The following AMZ2 variants were observed in gnomAD, a reference collection of about 807,000 sequenced individuals.
AMZ2 encodes archaelysin family metallopeptidase 2, also known as archaemetzincin-2.
A neutral mutation model predicts 36.7 loss-of-function variants in AMZ2; 26 were observed. The observed-to-expected ratio is 0.71, with a 90% CI of 0.52 to 0.98. The LOEUF (loss-of-function observed/expected upper bound fraction) is 0.98, where lower values mean the gene tolerates loss of function less well. Ranked by LOEUF, AMZ2 falls within the 50% of genes least tolerant of loss-of-function variation. AMZ2 has a pLI of 0.00. For synonymous variants in AMZ2, 144 were observed against 149.1 expected, an observed-to-expected ratio of 0.97 and a Z score of 0.25; for missense variants, 394 against 430.5, an observed-to-expected ratio of 0.92 and a Z score of 0.75.
intron 1 of AMZ2, among the ~76,000 whole-genome samples, chr17:68,228,816 T>C (rs34312280): frequency 0.14 from 21,911 of 152,284 alleles, 1,746 homozygotes; most frequent in East Asian, 0.29. Flanking sequence ...TCCTCCTGCC[T>C]GCTACACCGA....
intron 1 of AMZ2, among the ~76,000 whole-genome samples, chr17:68,218,803 C>T (rs1481216265): frequency 1.3e-5 from 2 of 152,212 alleles, no homozygotes; most frequent in Non-Finnish European, 2.9e-5. Flanking sequence ...GTCCCACCAG[C>T]TGCTCAAGCT....
At chr17:68,212,243 G>A (rs1421319367) in intron 1 of AMZ2, among the ~76,000 whole-genome samples, 2 of 152,144 alleles carry the variant, frequency 1.3e-5, no homozygotes, top group African/African-American at 4.8e-5. Context: ...ATGGTGGCAC[G>A]TGCCTGTAGT....
intron 1 of AMZ2, among the ~76,000 whole-genome samples, chr17:68,233,441 G>A (rs1464478421): frequency 4.6e-5 from 7 of 151,494 alleles, no homozygotes; most frequent in African/African-American, 1.7e-4. Context: ...CCTGGGAGGC[G>A]GAGGTTGCAG....
chr17:68,248,812 G>T (rs1555737389), intron 1 of AMZ2, 107 bp downstream of exon 1: 2 of 966,298 alleles, frequency 2.1e-6, no homozygotes, highest in African/African-American at 1.7e-5. Flanking sequence ...TTATATCAGA[G>T]CTTTGAGTAC....
chr17:68,210,087 A>C (rs4968836), intron 1 of AMZ2, among the ~76,000 whole-genome samples: 64,506 of 151,992 alleles, frequency 0.42, 15,124 homozygotes, highest in African/African-American at 0.64. Context: ...GTATTGTTAG[A>C]GAGAATGTAA....
chr17:68,224,056 AT>A (rs34644968), intron 1 of AMZ2, among the ~76,000 whole-genome samples: 49,363 of 151,198 alleles, frequency 0.33, 8,556 homozygotes, highest in African/African-American at 0.45. Flanking sequence ...CACCCGGCTA[AT>A]TTTTTGTATT....
At chr17:68,218,108 G>A in intron 1 of AMZ2, among the ~76,000 whole-genome samples, 1 of 135,338 alleles carries the variant, frequency 7.4e-6, no homozygotes, top group Non-Finnish European at 1.6e-5. Context: ...CACCGTGTCC[G>A]GCCAAAAAAA....
At chr17:68,242,934 C>T (rs778053810), upstream of AMZ2, among the ~76,000 whole-genome samples, 15 of 151,522 alleles carry the variant, frequency 9.9e-5, no homozygotes, top group Non-Finnish European at 1.9e-4. Flanking sequence ...ATCCAAGCTA[C>T]CTGGGAGACT....
intron 1 of AMZ2, among the ~76,000 whole-genome samples, chr17:68,234,796 A>T (rs1467179030): frequency 6.6e-6 from 1 of 151,954 alleles, no homozygotes; most frequent in Non-Finnish European, 1.5e-5. Flanking sequence ...AGAAAAAAAA[A>T]AAAAAGATAG....
At chr17:68,226,269 T>C (rs1214687801) in intron 1 of AMZ2, among the ~76,000 whole-genome samples, 3 of 152,166 alleles carry the variant, frequency 2.0e-5, no homozygotes, top group Non-Finnish European at 2.9e-5. Flanking sequence ...CTGCCTACTA[T>C]GTACATTTGA....
rs144520929 is a variant in AMZ2 at position 68,210,168 on chromosome 17, G to C, written c.-67+3930G>C. Among the ~76,000 whole-genome samples the C allele has an allele frequency of 7.9e-3, 1,201 of 152,224 alleles. 13 individuals are homozygous for C. The highest frequency in any genetic ancestry group is 0.011 in the Non-Finnish European group (722 of 68,006). Reference sequence around the variant, plus strand: ...AAACTTAGAGCTACTATATGACCCGGTAATTCTATTCATACATATATAGTC... The same window carrying C: ...AAACTTAGAGCTACTATATGACCCGCTAATTCTATTCATACATATATAGTC... On this transcript the variant is annotated intron_variant, in intron 1 of 7. Transcript: ENST00000674770.
At chr17:68,206,154 C>G (rs2072822618) in exon 1 of AMZ2, 2 of 1,306,316 alleles carry the variant, frequency 1.5e-6, no homozygotes, top group South Asian at 6.3e-5. Flanking sequence ...TTCCGATTAT[C>G]TGGAGGAGCT....
In AMZ2 at chr17:68,218,576, C is replaced by T. The variant is rs1421383042; in HGVS notation, c.-67+12338C>T. On this transcript the variant is annotated intron_variant, in intron 1 of 7. Coordinates refer to the AMZ2 transcript ENST00000674770. ...TTTAAATCTATACAGCTTTCTACTC[C>T]CCTTTCTAGCTACAAGCCACATGTG... Among the ~76,000 whole-genome samples, 6 of 152,258 alleles carry T rather than the reference C, an allele frequency of 3.9e-5. No homozygotes were observed. In the South Asian group the frequency reaches 6.2e-4, roughly 16 times the overall value.
At chr17:68,208,285 G>A (rs569976284) in intron 1 of AMZ2, among the ~76,000 whole-genome samples, 2 of 150,654 alleles carry the variant, frequency 1.3e-5, no homozygotes, top group African/African-American at 4.8e-5. Context: ...CCTGACTCTG[G>A]TGGGGGACTT....
intron 4 of AMZ2, among the ~76,000 whole-genome samples, chr17:68,251,573 G>T (rs2144732060): frequency 6.6e-6 from 1 of 152,278 alleles, no homozygotes; most frequent in East Asian, 1.9e-4. Context: ...AGGCTGAGGT[G>T]AGAGGATTGC....
upstream of AMZ2, chr17:68,247,993 G>A: frequency 1.0e-6 from 1 of 985,820 alleles, no homozygotes; most frequent in Non-Finnish European, 1.2e-6. Context: ...CGACGCAGCG[G>A]CGCGGCGCGT....
At chr17:68,248,816 T>C (rs1362175174) in intron 1 of AMZ2, 111 bp downstream of exon 1, 2 of 961,388 alleles carry the variant, frequency 2.1e-6, no homozygotes, top group Non-Finnish European at 2.5e-6. Context: ...ATCAGAGCTT[T>C]GAGTACAGAG....
At chr17:68,254,217 AT>A (rs2074718702) in intron 4 of AMZ2, among the ~76,000 whole-genome samples, 186 bp from the exon 5 acceptor site, 1 of 152,226 alleles carries the variant, frequency 6.6e-6, no homozygotes, top group South Asian at 2.1e-4. Flanking sequence ...GCAGCAAAAG[AT>A]TTTGATAGGG....
chr17:68,236,481 A>G (rs1426555001), intron 1 of AMZ2, among the ~76,000 whole-genome samples: 1 of 151,956 alleles, frequency 6.6e-6, no homozygotes, highest in Non-Finnish European at 1.5e-5. Flanking sequence ...TCATTGCAAA[A>G]TAAATATTGC....
Sources: allele counts gnomAD v4.1 joint callset (sites outside exome capture counted in the v4.1 genomes callset), GRCh38; gene constraint gnomAD v4.1.1; transcripts MANE v1.5; gene names NCBI Gene and HGNC (gene_info 2026-07-23, HGNC 2026-07-21).